UNC5D: variants seen among roughly 807,000 people sequenced by gnomAD.
UNC5D encodes the protein netrin receptor UNC5D.
A neutral mutation model predicts 105.4 loss-of-function variants in UNC5D; 39 were observed. The observed-to-expected ratio is 0.37, with a 90% CI of 0.29 to 0.48. The LOEUF (loss-of-function observed/expected upper bound fraction) is 0.48. UNC5D is among the 20% of genes least tolerant of loss of function. The pLI is 0.98. For synonymous variants in UNC5D, 452 were observed against 450.4 expected, an observed-to-expected ratio of 1.00 and a Z score of -0.04; for missense variants, 991 against 1,202.4, an observed-to-expected ratio of 0.82 and a Z score of 2.60.
rs536598397 is a variant in UNC5D, at chr8:35,249,312, C to G, written c.103+13425C>G. On this transcript the variant is annotated intron_variant, in intron 1 of 16. Transcript: ENST00000404895. ...GTGGCTCACGCCTGTAATCCCAGCA[C>G]TTTGGGAAGCCAAGGCAGATGGATC... Among the ~76,000 whole-genome samples the G allele has an allele frequency of 9.4e-5, 14 of 149,670 alleles. 1 individual carries two copies. The South Asian group carries it at 2.9e-3, about 31-fold the overall frequency.
chr8:35,511,760 A>G (rs1194192536), intron 1 of UNC5D, among the ~76,000 whole-genome samples: 2 of 152,132 alleles, frequency 1.3e-5, no homozygotes, highest in African/African-American at 4.8e-5. Flanking sequence ...AAAACCCTCA[A>G]AGTTTTAAGA....
intron 1 of UNC5D, among the ~76,000 whole-genome samples, chr8:35,282,436 T>C (rs1035173665): frequency 1.6e-4 from 25 of 152,314 alleles, no homozygotes; most frequent in African/African-American, 5.8e-4. Context: ...TGTAATTACT[T>C]CTATAATTGG....
At chr8:35,714,107 T>C (rs1828117630) in intron 8 of UNC5D, among the ~76,000 whole-genome samples, 1 of 152,176 alleles carries the variant, frequency 6.6e-6, no homozygotes, top group Admixed American at 6.5e-5. Context: ...TCCACTGGGA[T>C]GTCTCCTTTT....
At chr8:35,610,380 G>A (rs2130975858) in intron 4 of UNC5D, among the ~76,000 whole-genome samples, 1 of 152,276 alleles carries the variant, frequency 6.6e-6, no homozygotes, top group African/African-American at 2.4e-5. Context: ...AATTAAAGGT[G>A]TTTGGATTAA....
intron 1 of UNC5D, among the ~76,000 whole-genome samples, chr8:35,482,843 C>G (rs1810571762): frequency 7.4e-6 from 1 of 135,380 alleles, no homozygotes; most frequent in South Asian, 2.4e-4. Context: ...GCTCTCGTCC[C>G]CCAGGCTGGA....
At chr8:35,551,847 G>GA (rs1816171649) in intron 2 of UNC5D, among the ~76,000 whole-genome samples, 1 of 151,372 alleles carries the variant, frequency 6.6e-6, no homozygotes, top group African/African-American at 2.4e-5. Context: ...AAAAGGAAAA[G>GA]AAAAAAGAAG....
At chr8:35,770,263 A>C (rs1801951992) in intron 15 of UNC5D, among the ~76,000 whole-genome samples, 2 of 152,186 alleles carry the variant, frequency 1.3e-5, no homozygotes, top group South Asian at 2.1e-4. Flanking sequence ...AATACTTTAA[A>C]TATTGATTTT....
intron 9 of UNC5D, chr8:35,724,393 T>C: frequency 3.1e-6 from 4 of 1,301,464 alleles, no homozygotes; most frequent in Non-Finnish European, 2.1e-6. Flanking sequence ...TTTTGAGCAA[T>C]ACATCCAGTG....
At chr8:35,610,796 A>C (rs1452796098) in intron 4 of UNC5D, among the ~76,000 whole-genome samples, 1 of 152,144 alleles carries the variant, frequency 6.6e-6, no homozygotes, top group Non-Finnish European at 1.5e-5. Context: ...TGACAGTGTC[A>C]TTTCACCTAG....
chr8:35,656,221 A>G (rs1823725542), intron 4 of UNC5D, among the ~76,000 whole-genome samples: 2 of 152,138 alleles, frequency 1.3e-5, no homozygotes. Flanking sequence ...TTTCCACAAT[A>G]ACTTTAGTGC....
chr8:35,484,045 T>A (rs142913997), intron 1 of UNC5D, among the ~76,000 whole-genome samples: 1 of 152,216 alleles, frequency 6.6e-6, no homozygotes, highest in East Asian at 1.9e-4. Flanking sequence ...ATTGACAACA[T>A]AATCATATCT....
intron 1 of UNC5D, among the ~76,000 whole-genome samples, chr8:35,513,789 G>A (rs1355971693): frequency 6.6e-6 from 1 of 152,108 alleles, no homozygotes; most frequent in African/African-American, 2.4e-5. Context: ...TTGTTGAATG[G>A]GAATGATGTG....
intron 16 of UNC5D, among the ~76,000 whole-genome samples, chr8:35,785,722 C>T (rs890170483): frequency 2.0e-5 from 3 of 152,080 alleles, no homozygotes; most frequent in African/African-American, 7.2e-5. Context: ...CACACTCACC[C>T]GTCCAAACCC....
At chr8:35,668,973 T>C (rs1458705741) in intron 4 of UNC5D, among the ~76,000 whole-genome samples, 1 of 152,216 alleles carries the variant, frequency 6.6e-6, no homozygotes, top group East Asian at 1.9e-4. Context: ...CTCTTCCCTT[T>C]CTTGATCTTG....
intron 7 of UNC5D, among the ~76,000 whole-genome samples, chr8:35,695,596 C>T (rs556696139): frequency 1.0e-3 from 156 of 152,098 alleles, no homozygotes; most frequent in African/African-American, 3.7e-3. Flanking sequence ...GGAAGAACAC[C>T]TGAACCACAG....
At chr8:35,456,910 T>C (rs145596979) in intron 1 of UNC5D, among the ~76,000 whole-genome samples, 1 of 152,224 alleles carries the variant, frequency 6.6e-6, no homozygotes, top group Non-Finnish European at 1.5e-5. Context: ...GCACTAAACA[T>C]GCATCTCCCT....
At chr8:35,457,525 A>G (rs1808575714) in intron 1 of UNC5D, among the ~76,000 whole-genome samples, 1 of 152,180 alleles carries the variant, frequency 6.6e-6, no homozygotes, top group Non-Finnish European at 1.5e-5. Flanking sequence ...CCACTGTGAT[A>G]AAACCAAGTG....
intron 1 of UNC5D, among the ~76,000 whole-genome samples, chr8:35,418,636 GA>G (rs1157358574): frequency 1.3e-5 from 2 of 152,164 alleles, no homozygotes; most frequent in Non-Finnish European, 2.9e-5. Flanking sequence ...ATAAAAACAA[GA>G]AAAGGCGAGA....
At chr8:35,556,426 G>A (rs186919147) in intron 2 of UNC5D, among the ~76,000 whole-genome samples, 8 of 152,238 alleles carry the variant, frequency 5.3e-5, no homozygotes, top group Admixed American at 1.3e-4. Context: ...TTACAGAAAA[G>A]GGGTCCTGAT....
Sources: gnomAD v4.1 joint callset for allele counts (sites outside exome capture counted in the v4.1 genomes callset) on GRCh38, gnomAD v4.1.1 for gene constraint, MANE v1.5 for transcripts, NCBI Gene and HGNC (gene_info 2026-07-23, HGNC 2026-07-21) for gene names.